RBFOX1: variants seen among roughly 807,000 people sequenced by gnomAD.
RBFOX1 encodes RNA binding fox-1 homolog 1.
In RBFOX1, 8 loss-of-function variants were observed where a neutral mutation model predicts 57.7. That is an observed-to-expected ratio of 0.14 (90% CI 0.08 to 0.25). The LOEUF (loss-of-function observed/expected upper bound fraction) is 0.25. RBFOX1 is among the 10% of genes least tolerant of loss of function. RBFOX1 has a pLI of 1.00. For synonymous variants in RBFOX1, 326 were observed against 222.4 expected (o/e 1.47, Z -4.15); for missense variants, 611 against 548.5 (o/e 1.11, Z -1.14).
At chr16:6,362,531 A>G (rs1404843659) in intron 2 of RBFOX1, among the ~76,000 whole-genome samples, 1 of 152,240 alleles carries the variant, frequency 6.6e-6, no homozygotes, top group Non-Finnish European at 1.5e-5. Context: ...GTGCCAGGAC[A>G]TATGAAATTA....
intron 4 of RBFOX1, among the ~76,000 whole-genome samples, chr16:7,261,292 G>A (rs1053550545): frequency 8.5e-5 from 13 of 152,322 alleles, no homozygotes; most frequent in African/African-American, 3.1e-4. Flanking sequence ...AAGTGGAATT[G>A]ATGAATGGCA....
chr16:5,824,064 G>C (rs2055950578), intron 3 of RBFOX1, among the ~76,000 whole-genome samples: 2 of 152,168 alleles, frequency 1.3e-5, no homozygotes, highest in Admixed American at 6.5e-5. Flanking sequence ...TCAAGATATT[G>C]TGACTTACTA....
At chr16:7,324,053 A>G (rs1603620869) in intron 4 of RBFOX1, among the ~76,000 whole-genome samples, 1 of 152,122 alleles carries the variant, frequency 6.6e-6, no homozygotes, top group Non-Finnish European at 1.5e-5. Context: ...TCTTCTTTAC[A>G]GGACTTCTCA....
At chr16:7,041,554 A>G (rs778630906) in intron 3 of RBFOX1, among the ~76,000 whole-genome samples, 1 of 152,182 alleles carries the variant, frequency 6.6e-6, no homozygotes. Flanking sequence ...TTCCTAGAAT[A>G]CTAACCATTG....
chr16:7,587,529 TC>T (rs1226263814), intron 7 of RBFOX1, among the ~76,000 whole-genome samples: 1 of 152,170 alleles, frequency 6.6e-6, no homozygotes, highest in Non-Finnish European at 1.5e-5. Flanking sequence ...ATATCAAGTT[TC>T]CAGAGGAAAA....
In RBFOX1 at chr16:6,684,572, C is replaced by T. The variant is rs115422448; in HGVS notation, c.-16+29922C>T. Among the ~76,000 whole-genome samples, 710 of 152,262 alleles carry T rather than the reference C, an allele frequency of 4.7e-3. 6 individuals carry two copies. The highest frequency in any genetic ancestry group is 0.016 in the African/African-American group (676 of 41,554). ...TCAATTACTTCTAGGGCTGCAATCC[C>T]CTCTGTCCTTGAAAAGGAAGCCAGC... On this transcript the variant is annotated intron_variant, in intron 3 of 15. Coordinates refer to ENST00000550418, the MANE Select transcript of RBFOX1 (RefSeq NM_018723.4).
chr16:6,706,633 C>A (rs888869088), intron 3 of RBFOX1, among the ~76,000 whole-genome samples: 1 of 151,814 alleles, frequency 6.6e-6, no homozygotes, highest in Non-Finnish European at 1.5e-5. Flanking sequence ...CCAACACTGG[C>A]CTTTCTGAAG....
intron 3 of RBFOX1, among the ~76,000 whole-genome samples, chr16:6,674,019 A>T (rs557646700): frequency 2.6e-5 from 4 of 152,292 alleles, no homozygotes; most frequent in East Asian, 1.9e-4. Flanking sequence ...TTTTAGAGAC[A>T]TGTTAAGAGA....
chr16:6,497,522 C>G (rs1354032159), intron 2 of RBFOX1, among the ~76,000 whole-genome samples: 1 of 151,648 alleles, frequency 6.6e-6, no homozygotes, highest in Non-Finnish European at 1.5e-5. Flanking sequence ...TGTGGAATAA[C>G]CTCCAGTATA....
intron 3 of RBFOX1, among the ~76,000 whole-genome samples, chr16:5,652,581 C>T (rs1030666929): frequency 6.6e-6 from 1 of 152,242 alleles, no homozygotes; most frequent in African/African-American, 2.4e-5. Context: ...CAGACCTCCA[C>T]TCCAGAAGTC....
intron 1 of RBFOX1, among the ~76,000 whole-genome samples, chr16:5,264,734 A>G (rs2151106987): frequency 6.6e-6 from 1 of 152,160 alleles, no homozygotes; most frequent in East Asian, 1.9e-4. Context: ...GTGCAGTGTG[A>G]GACTTCTAGC....
At chr16:6,329,097 A>G (rs1265289978) in intron 2 of RBFOX1, among the ~76,000 whole-genome samples, 1 of 152,104 alleles carries the variant, frequency 6.6e-6, no homozygotes, top group East Asian at 1.9e-4. Flanking sequence ...TTTCCTTTCA[A>G]AACTCATACT....
At chr16:5,983,469 A>G (rs1296107320) in intron 4 of RBFOX1, among the ~76,000 whole-genome samples, 2 of 152,184 alleles carry the variant, frequency 1.3e-5, no homozygotes, top group African/African-American at 2.4e-5. Context: ...GCACTGACTC[A>G]TGGAACCTTC....
At chr16:5,561,648 T>G (rs192665711) in intron 2 of RBFOX1, among the ~76,000 whole-genome samples, 4 of 152,286 alleles carry the variant, frequency 2.6e-5, no homozygotes, top group African/African-American at 7.2e-5. Context: ...ATATGATGAT[T>G]ATTATTAATA....
At chr16:6,997,864 A>G (rs929034081) in intron 3 of RBFOX1, among the ~76,000 whole-genome samples, 9 of 152,278 alleles carry the variant, frequency 5.9e-5, no homozygotes, top group African/African-American at 1.9e-4. Flanking sequence ...AGTTATCAGA[A>G]CACCAGTTTA....
intron 4 of RBFOX1, among the ~76,000 whole-genome samples, chr16:7,167,867 G>GA (rs141920089): frequency 0.056 from 56 of 1,004 alleles, no homozygotes; most frequent in East Asian, 0.48. Context: ...GGCCCTCTGC[G>GA]AAAAAAGTGT....
At chr16:7,071,455 A>G (rs1430292626) in intron 4 of RBFOX1, among the ~76,000 whole-genome samples, 1 of 151,994 alleles carries the variant, frequency 6.6e-6, no homozygotes, top group Admixed American at 6.6e-5. Flanking sequence ...AAGGATATAT[A>G]TGTATTACAT....
At chr16:5,548,431 A>C (rs1396418446) in intron 2 of RBFOX1, among the ~76,000 whole-genome samples, 1 of 151,674 alleles carries the variant, frequency 6.6e-6, no homozygotes. Flanking sequence ...GAATAAGACC[A>C]CCTATTTGGT....
At chr16:6,872,043 G>A (rs900033585) in intron 3 of RBFOX1, among the ~76,000 whole-genome samples, 9 of 150,860 alleles carry the variant, frequency 6.0e-5, no homozygotes, top group South Asian at 2.1e-4. Flanking sequence ...TGTAGGTATC[G>A]TTTCTGGAAA....
Sources: gnomAD v4.1 joint callset for allele counts (sites outside exome capture counted in the v4.1 genomes callset) on GRCh38, gnomAD v4.1.1 for gene constraint, MANE v1.5 for transcripts, NCBI Gene and HGNC (gene_info 2026-07-23, HGNC 2026-07-21) for gene names.